DOCK1: variants seen among roughly 807,000 people sequenced by gnomAD.
The protein encoded by DOCK1 is dedicator of cytokinesis protein 1.
Under a neutral mutation model 262.7 loss-of-function variants are expected in DOCK1, and 138 were observed. That is an observed-to-expected ratio of 0.53 (90% confidence interval 0.46 to 0.61). The LOEUF (loss-of-function observed/expected upper bound fraction) is 0.61, where lower values mean the gene tolerates loss of function less well. DOCK1 is among the 20% of genes least tolerant of loss of function. DOCK1 has a pLI of 0.00. For synonymous variants in DOCK1, 866 were observed against 867.4 expected (o/e 1.00, Z 0.03); for missense variants, 1,908 against 2,370.7 (o/e 0.80, Z 4.05).
chr10:127,395,112 G>A lies in DOCK1; in HGVS notation c.3928-7943G>A, dbSNP rs147247476. ...GCTCCTGATGACATCTCGCTTTTCC[G>A]GGGAAGTAGAGCCATTCTGGGAGAT... On this transcript the variant is annotated intron_variant, in intron 38 of 51. Transcript: ENST00000623213. Among the ~76,000 whole-genome samples, 991 of 152,298 alleles carry A rather than the reference G, an allele frequency of 6.5e-3. 10 individuals are homozygous for A. Among genetic ancestry groups the A allele is most frequent in the East Asian group, 0.032 (164 of 5,180 alleles).
At chr10:127,048,210 C>A (rs962678852) in intron 21 of DOCK1, among the ~76,000 whole-genome samples, 1 of 152,120 alleles carries the variant, frequency 6.6e-6, no homozygotes, top group African/African-American at 2.4e-5. Flanking sequence ...GTACTGGGGG[C>A]AAAATTATAT....
rs111068430 is a variant in DOCK1, at chr10:127,261,456, C to T, written c.3044+4027C>T. On this transcript the variant is annotated intron_variant, in intron 29 of 51. Coordinates refer to ENST00000623213, the MANE Select transcript of DOCK1 (RefSeq NM_001290223.2). ...CTGTGTGTGTACCTGCATGTGTGTG[C>T]GTGTGTGTGTGCCTGCATGTACCCG... Among the ~76,000 whole-genome samples, 597 of 85,364 alleles carry T rather than the reference C, an allele frequency of 7.0e-3. 35 individuals are homozygous for T. The highest frequency in any genetic ancestry group is 0.029 in the African/African-American group (566 of 19,352). 56.0% of individuals were successfully genotyped at this position (85,364 alleles called of 152,430 possible).
chr10:126,933,304 C>G lies in DOCK1; in HGVS notation c.46+27741C>G, dbSNP rs965736512. ...GCAGCCTCTCCCAGTGGACACCTTT[C>G]GTTGGGTGAAGCTGTTACTGTAAGT... On this transcript the variant is annotated intron_variant, in intron 1 of 51. Transcript: ENST00000623213. 5.4e-3 allele frequency among the ~76,000 whole-genome samples: 815 copies of G among 152,292 alleles called. 9 individuals carry two copies. Among genetic ancestry groups the G allele is most frequent in the African/African-American group, 0.019 (781 of 41,564 alleles).
intron 27 of DOCK1, among the ~76,000 whole-genome samples, chr10:127,178,304 A>G (rs1589798634): frequency 6.6e-6 from 1 of 152,312 alleles, no homozygotes; most frequent in East Asian, 1.9e-4. Context: ...ACAAAAAACA[A>G]TCTCTGCAGC....
chr10:127,407,302 C>T (rs1487718254), intron 40 of DOCK1, among the ~76,000 whole-genome samples: 2 of 152,104 alleles, frequency 1.3e-5, no homozygotes, highest in Admixed American at 1.3e-4. Flanking sequence ...AAGGTGCCAG[C>T]AGATTTGGAG....
At chr10:127,285,410 G>A (rs2061113248) in intron 29 of DOCK1, among the ~76,000 whole-genome samples, 1 of 152,354 alleles carries the variant, frequency 6.6e-6, no homozygotes, top group Non-Finnish European at 1.5e-5. Context: ...AACAGTGAAA[G>A]ATGAGAAGTA....
At chr10:127,238,180 C>G (rs1448794970) in intron 27 of DOCK1, among the ~76,000 whole-genome samples, 2 of 152,150 alleles carry the variant, frequency 1.3e-5, no homozygotes, top group Non-Finnish European at 2.9e-5. Context: ...GAGGTTTTCC[C>G]TTTGACCTTA....
intron 29 of DOCK1, among the ~76,000 whole-genome samples, chr10:127,268,139 A>G (rs1463115296): frequency 6.6e-6 from 1 of 152,174 alleles, no homozygotes; most frequent in African/African-American, 2.4e-5. Flanking sequence ...GCAAAGAGTC[A>G]TTTCATCCAT....
chr10:127,153,852 C>G, intron 27 of DOCK1: 4 of 1,608,834 alleles, frequency 2.5e-6, no homozygotes, highest in Non-Finnish European at 3.4e-6. Flanking sequence ...GTTAACATAC[C>G]TATAGATAAT....
intron 16 of DOCK1, among the ~76,000 whole-genome samples, chr10:127,028,666 G>T (rs1252273344): frequency 1.3e-5 from 2 of 152,214 alleles, no homozygotes; most frequent in Admixed American, 6.5e-5. Flanking sequence ...AGCTGCTGGG[G>T]TTTCTCCTCT....
At chr10:127,071,169 T>G (rs2046211540) in intron 23 of DOCK1, among the ~76,000 whole-genome samples, 1 of 152,202 alleles carries the variant, frequency 6.6e-6, no homozygotes, top group South Asian at 2.1e-4. Flanking sequence ...CCCATTTCAC[T>G]ATACTGCTTG....
chr10:127,264,398 A>G (rs2060281488), intron 29 of DOCK1, among the ~76,000 whole-genome samples: 1 of 152,136 alleles, frequency 6.6e-6, no homozygotes, highest in Admixed American at 6.5e-5. Context: ...CTAGGCTGGG[A>G]CCTACGGGAA....
At chr10:127,330,081 C>T (rs2062911359) in intron 29 of DOCK1, among the ~76,000 whole-genome samples, 1 of 152,122 alleles carries the variant, frequency 6.6e-6, no homozygotes, top group African/African-American at 2.4e-5. Flanking sequence ...CTAATCGGCT[C>T]CAAGCTTTGG....
At chr10:127,094,137 T>A (rs2047757206) in intron 23 of DOCK1, among the ~76,000 whole-genome samples, 1 of 152,100 alleles carries the variant, frequency 6.6e-6, no homozygotes, top group Non-Finnish European at 1.5e-5. Context: ...GAGGCTGCAG[T>A]GAGTTGTGAT....
At chr10:127,393,505 G>A (rs916055218) in intron 38 of DOCK1, among the ~76,000 whole-genome samples, 1 of 152,194 alleles carries the variant, frequency 6.6e-6, no homozygotes, top group Non-Finnish European at 1.5e-5. Flanking sequence ...GGACAAGGCT[G>A]AGCAGGCTGT....
intron 29 of DOCK1, among the ~76,000 whole-genome samples, chr10:127,329,710 T>C (rs963101098): frequency 5.9e-5 from 9 of 152,174 alleles, no homozygotes; most frequent in African/African-American, 1.2e-4. Context: ...AGATGGTTTT[T>C]TCATTACCCA....
chr10:127,154,977 A>G (rs886684624), intron 27 of DOCK1, among the ~76,000 whole-genome samples: 6 of 152,164 alleles, frequency 3.9e-5, no homozygotes, highest in African/African-American at 1.4e-4. Context: ...CATTTTTAAC[A>G]TGCAGATGTG....
At chr10:127,448,142 C>G (rs2070712997) in intron 51 of DOCK1, among the ~76,000 whole-genome samples, 1 of 152,174 alleles carries the variant, frequency 6.6e-6, no homozygotes, top group African/African-American at 2.4e-5. Flanking sequence ...CCCCTGGGCA[C>G]CCTCCCCAGT....
At chr10:127,096,275 T>C (rs10829363) in intron 23 of DOCK1, among the ~76,000 whole-genome samples, 25,997 of 152,090 alleles carry the variant, frequency 0.17, 2,608 homozygotes, top group African/African-American at 0.26. Flanking sequence ...TCTGTCCTGT[T>C]TGATCAAGTC....
Sources: allele counts gnomAD v4.1 joint callset (sites outside exome capture counted in the v4.1 genomes callset), GRCh38; gene constraint gnomAD v4.1.1; transcripts MANE v1.5; gene names NCBI Gene and HGNC (gene_info 2026-07-23, HGNC 2026-07-21).